RNF167: variants seen among roughly 807,000 people sequenced by gnomAD.
RNF167 encodes the protein E3 ubiquitin-protein ligase RNF167.
In RNF167, 19 loss-of-function variants were observed where a neutral mutation model predicts 34.8. The ratio of observed to expected loss-of-function variants is 0.55; its 90% confidence interval spans 0.38 to 0.80. RNF167 has a LOEUF of 0.80. Among genes scored for constraint, RNF167 ranks in the 30% least tolerant of loss-of-function variants. The probability of loss-of-function intolerance (pLI) is 0.00; values close to 1 mark genes in which losing one functional copy is unlikely to be tolerated. For synonymous variants in RNF167, 200 were observed against 170.4 expected, an observed-to-expected ratio of 1.17 and a Z score of -1.35; for missense variants, 464 against 447.0, an observed-to-expected ratio of 1.04 and a Z score of -0.34.
In RNF167 at chr17:4,941,009, G is replaced by T; in HGVS notation, c.84+16G>T. 1 of 1,613,254 alleles carries T rather than the reference G, an allele frequency of 6.2e-7. No homozygotes were observed. Among genetic ancestry groups the T allele is most frequent in the African/African-American group, 1.3e-5 (1 of 75,048 alleles). On this transcript the variant is annotated intron_variant, in intron 2 of 9. Transcript: ENST00000262482. ...CATTCGAGCGGTGAGTCTGAGGGAC[G>T]GATGGGGAAAGGGCGCTGAAAGGAA...
chr17:4,942,188 G>A (rs1238631603), intron 3 of RNF167, among the ~76,000 whole-genome samples, 153 bp from the exon 4 acceptor site: 1 of 152,214 alleles, frequency 6.6e-6, no homozygotes, highest in Admixed American at 6.5e-5. Flanking sequence ...CTAAGAGAAG[G>A]TTGTGATGGT....
chr17:4,942,317 C>T (rs753049359), intron 3 of RNF167, 24 bp from the exon 4 acceptor site: 11 of 1,611,080 alleles, frequency 6.8e-6, no homozygotes, highest in South Asian at 1.1e-5. Flanking sequence ...AGAAATCTCA[C>T]TGTTGTTTGC....
chr17:4,945,116 C>G lies in RNF167; in HGVS notation c.*100C>G. ...GGGGACATTCCATCCCAAGCTTCTC[C>G]CTTACCCACACCTATCCTTTTGAGG... is the stretch of plus-strand genomic sequence containing the variant. On this transcript the variant is annotated 3_prime_UTR_variant, in exon 10 of 10. Transcript: ENST00000262482. The G allele has an allele frequency of 8.8e-7, 1 of 1,137,314 alleles. No individual in the cohort carries two copies. Among genetic ancestry groups the G allele is most frequent in the South Asian group, 1.6e-5 (1 of 61,140 alleles). The allele number at this position is 1,137,314 out of a possible 1,614,324, so 70.5% of individuals were successfully genotyped here.
In RNF167 at chr17:4,945,133, C is replaced by CT. The variant is rs1971292221; in HGVS notation, c.*121dup. ...AGCTTCTCCCTTACCCACACCTATC[C>CT]TTTTGAGGGGCTTTGGGGTGGAGCT... is the stretch of plus-strand genomic sequence containing the variant. On this transcript the variant is annotated 3_prime_UTR_variant, in exon 10 of 10. Transcript: ENST00000262482. 1.1e-6 allele frequency: 1 copy of CT among 944,616 alleles called. No homozygotes were observed. Among genetic ancestry groups the CT allele is most frequent in the African/African-American group, 1.7e-5 (1 of 59,286 alleles). The allele number at this position is 944,616 out of a possible 1,614,324, so 58.5% of individuals were successfully genotyped here.
chr17:4,941,154 C>G lies in RNF167; in HGVS notation c.162C>G (p.Leu54=), dbSNP rs751935165. ...LFGATLSQEG[L]QGFLVEAHPD... ...GGGCTACCTTGAGCCAGGAGGGCCT[C>G]CAGGTGATTTTCTTTCTTTTCTTTT... is the stretch of plus-strand genomic sequence containing the variant. The change falls in exon 3 of 10, where the codon CTC becomes CTG. Residue 54 remains leucine (L), a synonymous_variant. Transcript: ENST00000262482. 7 of 1,613,392 alleles carry G rather than the reference C, an allele frequency of 4.3e-6. No individual in the cohort carries two copies. The highest frequency in any genetic ancestry group is 5.9e-6 in the Non-Finnish European group (7 of 1,179,322).
In RNF167 at chr17:4,944,509, G is replaced by A. The variant is rs373523198; in HGVS notation, c.671-49G>A. On this transcript the variant is annotated intron_variant, in intron 8 of 9. Coordinates refer to ENST00000262482, the MANE Select transcript of RNF167 (RefSeq NM_015528.3). ...GCAAGGCTTTAAAAGCCTTAGCCCT[G>A]GGTCATTGTGGCTCAGTGAAGGACT... 33 of 1,532,536 alleles carry A rather than the reference G, an allele frequency of 2.2e-5. No homozygotes were observed. The African/African-American group carries it at 2.6e-4, about 12-fold the overall frequency. 94.9% of individuals were successfully genotyped at this position (1,532,536 alleles called of 1,614,324 possible).
Position 4,945,146 on chromosome 17 carries a change from T to C in RNF167, c.*130T>C. The C allele has an allele frequency of 1.2e-6, 1 of 860,594 alleles. No individual in the cohort carries two copies. 53.3% of individuals were successfully genotyped at this position (860,594 alleles called of 1,614,324 possible). ...CCCACACCTATCCTTTTGAGGGGCT[T>C]TGGGGTGGAGCTGGGGCAAGCAGAG... is the stretch of plus-strand genomic sequence containing the variant. On this transcript the variant is annotated 3_prime_UTR_variant, in exon 10 of 10. Transcript: ENST00000262482.
Position 4,944,936 on chromosome 17 carries a change from G to A in RNF167, c.973G>A (p.Ala325Thr). 6.2e-7 allele frequency: 1 copy of A among 1,608,476 alleles called. No individual in the cohort carries two copies. The highest frequency in any genetic ancestry group is 8.5e-7 in the Non-Finnish European group (1 of 1,177,572). The change falls in exon 10 of 10, where the codon GCC becomes ACC. Residue 325 changes from alanine (A) to threonine (T), a missense_variant. By Grantham distance (58) the Ala-to-Thr change is moderately conservative. Transcript: ENST00000262482. ...PTLPTSFGSL[A>T]PAPLVFPGPS... ...TCTTCCCACCTCCTTTGGTTCCTTA[G>A]CCCCAGCTCCCCTTGTTTTTCCTGG...
chr17:4,942,580 C>G lies in RNF167; in HGVS notation c.295C>G (p.Leu99Val). Residue 99 changes from leucine to valine, a missense_variant, in exon 5 of 10, where the codon CTA becomes GTA. Physicochemically the swap from Leu to Val is conservative, Grantham distance 32. Coordinates refer to ENST00000262482, the MANE Select transcript of RNF167 (RefSeq NM_015528.3). ...RFDCNFDLKV[L>V]NAQKAGYGAA... ...GTCCTCTGCCTTGTCTCCCTAGGTC[C>G]TAAATGCCCAGAAGGCTGGATATGG... 1.9e-6 allele frequency: 3 copies of G among 1,614,132 alleles called. No individual in the cohort carries two copies. Among genetic ancestry groups the G allele is most frequent in the Non-Finnish European group, 2.5e-6 (3 of 1,180,012 alleles).
chr17:4,943,536 A>G lies in RNF167; in HGVS notation c.670+17A>G. On this transcript the variant is annotated intron_variant, in intron 8 of 9. Transcript: ENST00000262482. ...ATCAGAAGGGTGAGGGGGTTAGGGG[A>G]GAAGAGGGCTTTTCCCACAGTTTAC... The G allele has an allele frequency of 1.3e-6, 2 of 1,589,552 alleles. No homozygotes were observed. The highest frequency in any genetic ancestry group is 3.4e-5 in the Admixed American group (2 of 59,366).
Position 4,945,151 on chromosome 17 carries a change from G to A in RNF167, c.*135G>A. 1 of 790,222 alleles carries A rather than the reference G, an allele frequency of 1.3e-6. No individual in the cohort carries two copies. The highest frequency in any genetic ancestry group is 2.2e-5 in the South Asian group (1 of 46,060). 49.0% of individuals were successfully genotyped at this position (790,222 alleles called of 1,614,324 possible). A position where few individuals can be genotyped will look rare whatever the true frequency, so the allele number is the denominator to read the frequency against. On this transcript the variant is annotated 3_prime_UTR_variant, in exon 10 of 10. Coordinates refer to ENST00000262482, the MANE Select transcript of RNF167 (RefSeq NM_015528.3). ...ACCTATCCTTTTGAGGGGCTTTGGG[G>A]TGGAGCTGGGGCAAGCAGAGGGACT...
Position 4,944,940 on chromosome 17 carries a change from CA to C in RNF167, c.978del (p.Ala327LeufsTer34). The C allele has an allele frequency of 6.2e-7, 1 of 1,607,310 alleles. No individual in the cohort carries two copies. Among genetic ancestry groups the C allele is most frequent in the Non-Finnish European group, 8.5e-7 (1 of 1,176,942 alleles). Reference sequence around the variant, plus strand: ...CCCACCTCCTTTGGTTCCTTAGCCCCAGCTCCCCTTGTTTTTCCTGGGCCTT... The same window carrying C: ...CCCACCTCCTTTGGTTCCTTAGCCCCGCTCCCCTTGTTTTTCCTGGGCCTT... ...TLPTSFGSLA[P>X]APLVFPGPST... On this transcript the variant is annotated frameshift_variant, in exon 10 of 10. Transcript: ENST00000262482. LOFTEE classifies it low-confidence loss of function (END_TRUNC).
intron 2 of RNF167, 21 bp downstream of exon 2, chr17:4,941,014 G>A (rs767292101): frequency 3.1e-6 from 5 of 1,613,466 alleles, no homozygotes; most frequent in Middle Eastern, 3.3e-4. Context: ...GGGACGGATG[G>A]GGAAAGGGCG....
At chr17:4,941,686 G>A (rs1025637770) in intron 3 of RNF167, among the ~76,000 whole-genome samples, 1 of 152,126 alleles carries the variant, frequency 6.6e-6, no homozygotes, top group South Asian at 2.1e-4. Context: ...GAGGCCGGGC[G>A]CGGTGGCTCA....
rs1971230409 is a variant in RNF167, at chr17:4,944,789, C to T, written c.826C>T (p.His276Tyr). The change falls in exon 10 of 10, where the codon CAT (histidine) becomes TAT (tyrosine). Residue 276 changes from histidine to tyrosine, a missense_variant. His to Tyr is a moderately conservative substitution (Grantham distance 83, BLOSUM62 2). Coordinates refer to ENST00000262482, the MANE Select transcript of RNF167 (RefSeq NM_015528.3). Reference sequence around the variant, plus strand: ...CTGCCCCATTTGCAAGCAGCCTGTTCATCGGGGTCCTGGGGACGAAGACCA... The same window carrying T: ...CTGCCCCATTTGCAAGCAGCCTGTTTATCGGGGTCCTGGGGACGAAGACCA... Reference protein sequence around the residue: ...KTCPICKQPVHRGPGDEDQEE... With the variant: ...KTCPICKQPVYRGPGDEDQEE... 1 of 1,612,344 alleles carries T rather than the reference C, an allele frequency of 6.2e-7. No homozygotes were observed. Among genetic ancestry groups the T allele is most frequent in the Non-Finnish European group, 8.5e-7 (1 of 1,179,020 alleles).
Position 4,942,560 on chromosome 17 carries a change from C to A in RNF167, c.292-17C>A, listed in dbSNP as rs758417391. 10 of 1,614,022 alleles carry A rather than the reference C, an allele frequency of 6.2e-6. No homozygotes were observed. The South Asian group carries it at 9.9e-5, about 16-fold the overall frequency. Reference sequence around the variant, plus strand: ...AAGGCCCATGATGGCTCCTTGTCCTCTGCCTTGTCTCCCTAGGTCCTAAAT... The same window carrying A: ...AAGGCCCATGATGGCTCCTTGTCCTATGCCTTGTCTCCCTAGGTCCTAAAT... On this transcript the variant is annotated splice_polypyrimidine_tract_variant and intron_variant, in intron 4 of 9. Transcript: ENST00000262482.
chr17:4,944,328 C>A, intron 8 of RNF167: 1 of 1,038,462 alleles, frequency 9.6e-7, no homozygotes, highest in Non-Finnish European at 1.2e-6. Flanking sequence ...TCCCTATCTC[C>A]ACCCTCACAC....
intron 6 of RNF167, 49 bp from the exon 7 acceptor site, chr17:4,943,130 T>C (rs74926854): frequency 3.9e-6 from 6 of 1,538,156 alleles, no homozygotes; most frequent in South Asian, 2.3e-5. Context: ...CCTCTTTTTT[T>C]CTCCCTTTGC....
At position 4,940,485 on chromosome 17, in the gene RNF167, AG is replaced by A. The variant is rs978597703; in HGVS notation, c.-423del. 6.0e-6 allele frequency: 1 copy of A among 167,584 alleles called. No individual in the cohort carries two copies. The highest frequency in any genetic ancestry group is 2.4e-5 in the African/African-American group (1 of 42,220). The allele number at this position is 167,584 out of a possible 1,614,324, so 10.4% of individuals were successfully genotyped here. Reference sequence around the variant, plus strand: ...CTAACCTTTTTTTAACCGGCCTTTTAGGACCGGAAGTCCTTCATCTCAAGCA... The same window carrying A: ...CTAACCTTTTTTTAACCGGCCTTTTAGACCGGAAGTCCTTCATCTCAAGCA... On this transcript the variant is annotated splice_acceptor_variant, in intron 1 of 9. Transcript: ENST00000262482. LOFTEE classifies it low-confidence loss of function (5UTR_SPLICE).
Sources: allele counts gnomAD v4.1 joint callset (sites outside exome capture counted in the v4.1 genomes callset), GRCh38; gene constraint gnomAD v4.1.1; transcripts MANE v1.5; gene names NCBI Gene and HGNC (gene_info 2026-07-23, HGNC 2026-07-21).